ITGAV: variants seen among roughly 807,000 people sequenced by gnomAD.
The protein encoded by ITGAV is integrin subunit alpha V, also known as integrin alpha-V.
A neutral mutation model predicts 143.8 loss-of-function variants in ITGAV; 76 were observed. The ratio of observed to expected loss-of-function variants is 0.53; its 90% CI spans 0.44 to 0.64. The LOEUF (loss-of-function observed/expected upper bound fraction) is 0.64, where lower values mean the gene tolerates loss of function less well. ITGAV is among the 30% of genes least tolerant of loss of function. The pLI is 0.00. For missense variants in ITGAV, 1,193 were observed against 1,274.7 expected (o/e 0.94, Z 0.98); for synonymous variants, 453 against 446.7 (o/e 1.01, Z -0.18).
In ITGAV at chr2:186,636,695, A is replaced by G. The variant is rs185316421; in HGVS notation, c.758-370A>G. ...GTTTTGGTCTTTAGGACTTATTAAC[A>G]TGTGTTCTCTCTTTCAATTTCTTTA... is the stretch of plus-strand genomic sequence containing the variant. On this transcript the variant is annotated intron_variant, in intron 7 of 29. Transcript: ENST00000261023. Among the ~76,000 whole-genome samples the G allele has an allele frequency of 3.3e-5, 5 of 152,324 alleles. No homozygotes were observed. The East Asian group carries it at 9.6e-4, about 29-fold the overall frequency.
rs183878241 is a variant in ITGAV, at chr2:186,680,061, G to A, written c.*2769G>A. On this transcript the variant is annotated 3_prime_UTR_variant, in exon 30 of 30. Coordinates refer to ENST00000261023, the MANE Select transcript of ITGAV (RefSeq NM_002210.5). ...TATAATAGATCAGCGATTTTTGTAA[G>A]GCAAACAGAATTTGTAAGTTGGCAG... 6.6e-6 allele frequency: 1 copy of A among 152,124 alleles called. No individual in the cohort carries two copies. The highest frequency in any genetic ancestry group is 1.9e-4 in the East Asian group (1 of 5,178). 9.4% of individuals were successfully genotyped at this position (152,124 alleles called of 1,614,324 possible). A position where few individuals can be genotyped will look rare whatever the true frequency, so the allele number is the denominator to read the frequency against.
At chr2:186,600,276 T>G in intron 1 of ITGAV, 3 of 1,483,852 alleles carry the variant, frequency 2.0e-6, no homozygotes, top group Non-Finnish European at 2.8e-6. Context: ...ATTCCCTCCA[T>G]CTCTTCATTC....
At chr2:186,676,003 A>G (rs926446977) in intron 28 of ITGAV, 76 bp downstream of exon 28, 16 of 817,060 alleles carry the variant, frequency 2.0e-5, no homozygotes, top group Non-Finnish European at 3.0e-5. Context: ...TTGTTTTTTA[A>G]AGAACGACAG....
rs201987871 is a variant in ITGAV at position 186,664,660 on chromosome 2, T to G, written c.2073+19T>G. Reference sequence around the variant, plus strand: ...CAATGAAGTAAGCAGGCTGCCTCTTTAAAAATTGAAATGCACTCACGGATC... The same window carrying G: ...CAATGAAGTAAGCAGGCTGCCTCTTGAAAAATTGAAATGCACTCACGGATC... On this transcript the variant is annotated intron_variant, in intron 20 of 29. Transcript: ENST00000261023. 3 of 1,613,770 alleles carry G rather than the reference T, an allele frequency of 1.9e-6. No homozygotes were observed. Among genetic ancestry groups the G allele is most frequent in the African/African-American group, 2.7e-5 (2 of 74,918 alleles).
chr2:186,637,152 A>T lies in ITGAV; in HGVS notation c.802+43A>T, dbSNP rs1235214617. On this transcript the variant is annotated intron_variant, in intron 8 of 29. Transcript: ENST00000261023. ...TATATCTAATCTTTAAAAAAATTAG[A>T]TTAAGTATTTGAAACATGTGGCATT... 6.0e-6 allele frequency: 9 copies of T among 1,510,428 alleles called. No individual in the cohort carries two copies. The Admixed American group carries it at 1.5e-4, about 25-fold the overall frequency. The allele number at this position is 1,510,428 out of a possible 1,614,324, so 93.6% of individuals were successfully genotyped here.
chr2:186,656,151 A>C, intron 16 of ITGAV, 96 bp from the exon 17 acceptor site: 1 of 820,552 alleles, frequency 1.2e-6, no homozygotes. Context: ...TTTACTTCTT[A>C]AGGAATAAAG....
intron 14 of ITGAV, among the ~76,000 whole-genome samples, chr2:186,650,930 C>T (rs1478355977): frequency 6.6e-6 from 1 of 152,148 alleles, no homozygotes; most frequent in Admixed American, 6.5e-5. Context: ...TTTACATTTT[C>T]CTATAAGAAG....
Position 186,590,270 on chromosome 2 carries a change from TG to T in ITGAV, c.-66del. ...CGCGCAGGCGGCGGGCCGCGGGCAC[TG>T]GGCGCCTCGCTGGGGCGGGGGGAGG... On this transcript the variant is annotated 5_prime_UTR_variant, in exon 1 of 30. Coordinates refer to ENST00000261023, the MANE Select transcript of ITGAV (RefSeq NM_002210.5). The T allele has an allele frequency of 7.6e-7, 1 of 1,316,374 alleles. No individual in the cohort carries two copies. 81.5% of individuals were successfully genotyped at this position (1,316,374 alleles called of 1,614,324 possible). A position where few individuals can be genotyped will look rare whatever the true frequency, so the allele number is the denominator to read the frequency against.
At position 186,597,088 on chromosome 2, in the gene ITGAV, T is replaced by C. The variant is rs1024776303; in HGVS notation, c.186-4933T>C. On this transcript the variant is annotated intron_variant, in intron 1 of 29. Coordinates refer to ENST00000261023, the MANE Select transcript of ITGAV (RefSeq NM_002210.5). Reference sequence around the variant, plus strand: ...TGTACACCTGATTACCATCATTTCATGCCTATAATGTGCAGATAGCCTGAT... The same window carrying C: ...TGTACACCTGATTACCATCATTTCACGCCTATAATGTGCAGATAGCCTGAT... Among the ~76,000 whole-genome samples, 4 of 152,250 alleles carry C rather than the reference T, an allele frequency of 2.6e-5. No homozygotes were observed. In the East Asian group the frequency reaches 7.7e-4, roughly 29 times the overall value.
intron 2 of ITGAV, among the ~76,000 whole-genome samples, chr2:186,618,686 A>G (rs541372126): frequency 1.3e-5 from 2 of 152,354 alleles, no homozygotes; most frequent in South Asian, 4.1e-4. Flanking sequence ...CCTTTCACAA[A>G]GAAGAAATTT....
intron 6 of ITGAV, 43 bp downstream of exon 6, chr2:186,633,417 G>C (rs201384789): frequency 4.3e-6 from 5 of 1,160,454 alleles, no homozygotes; most frequent in Non-Finnish European, 6.3e-6. Flanking sequence ...ACTATGTGTC[G>C]CTGATTCACC....
intron 26 of ITGAV, among the ~76,000 whole-genome samples, chr2:186,672,325 A>AT (rs1171503391): frequency 2.0e-5 from 3 of 152,082 alleles, no homozygotes; most frequent in Non-Finnish European, 2.9e-5. Flanking sequence ...TTATCAGTTG[A>AT]TCAACATTTC....
intron 26 of ITGAV, among the ~76,000 whole-genome samples, chr2:186,672,883 T>TTGA (rs1408802101): frequency 6.6e-6 from 1 of 152,218 alleles, no homozygotes; most frequent in African/African-American, 2.4e-5. Context: ...TTTTACTTTC[T>TTGA]TGATGGTGTC....
intron 29 of ITGAV, 56 bp from the exon 30 acceptor site, chr2:186,677,141 A>G (rs1353488078): frequency 2.7e-6 from 4 of 1,497,888 alleles, no homozygotes; most frequent in African/African-American, 1.4e-5. Flanking sequence ...CCCAAAAAAT[A>G]CTTTTCGTAT....
intron 13 of ITGAV, among the ~76,000 whole-genome samples, 194 bp from the exon 14 acceptor site, chr2:186,649,646 A>T (rs561598674): frequency 1.1e-4 from 17 of 152,280 alleles, no homozygotes; most frequent in Admixed American, 3.3e-4. Context: ...CTACTTTATG[A>T]TAAGCATTTT....
chr2:186,622,924 G>A (rs1559047047), intron 3 of ITGAV, among the ~76,000 whole-genome samples: 1 of 152,050 alleles, frequency 6.6e-6, no homozygotes, highest in African/African-American at 2.4e-5. Context: ...CACCAGGCCT[G>A]GCTAATTTTT....
Position 186,675,842 on chromosome 2 carries a change from A to G in ITGAV, c.2843A>G (p.Tyr948Cys), listed in dbSNP as rs768433078. ...CAGAAAGAAAATCAGAATCATTCCTATTCTCTGAAGTCGTCTGCTTCATTT... is the reference window on the plus strand; with the variant it reads ...CAGAAAGAAAATCAGAATCATTCCTGTTCTCTGAAGTCGTCTGCTTCATTT... ...FMNKENQNHS[Y>C]SLKSSASFNV... The change falls in exon 28 of 30, where the codon TAT becomes TGT. Residue 948 changes from tyrosine to cysteine, a missense_variant. Coordinates refer to ENST00000261023, the MANE Select transcript of ITGAV (RefSeq NM_002210.5). The G allele has an allele frequency of 5.0e-6, 8 of 1,605,662 alleles. No individual in the cohort carries two copies. The highest frequency in any genetic ancestry group is 4.3e-6 in the Non-Finnish European group (5 of 1,174,486).
At chr2:186,629,046 G>A (rs1184494091) in intron 4 of ITGAV, among the ~76,000 whole-genome samples, 1 of 152,010 alleles carries the variant, frequency 6.6e-6, no homozygotes, top group Non-Finnish European at 1.5e-5. Context: ...CATGTAAAAT[G>A]CTTTAGCATA....
At chr2:186,643,817 G>A (rs1387118572) in intron 12 of ITGAV, among the ~76,000 whole-genome samples, 1 of 152,202 alleles carries the variant, frequency 6.6e-6, no homozygotes, top group African/African-American at 2.4e-5. Flanking sequence ...ACAGATGATA[G>A]CGAAGAGAGA....
Sources: gnomAD v4.1 joint callset for allele counts (sites outside exome capture counted in the v4.1 genomes callset) on GRCh38, gnomAD v4.1.1 for gene constraint, MANE v1.5 for transcripts, NCBI Gene and HGNC (gene_info 2026-07-23, HGNC 2026-07-21) for gene names.